The following CCDC85A variants were observed in gnomAD, a reference collection of about 807,000 sequenced individuals.
The protein encoded by CCDC85A is coiled-coil domain-containing protein 85A.
CCDC85A carries 38 observed loss-of-function variants against 50.2 expected under a neutral mutation model. The ratio of observed to expected loss-of-function variants is 0.76; its 90% CI spans 0.58 to 0.99. The LOEUF (loss-of-function observed/expected upper bound fraction) is 0.99. CCDC85A is among the 50% of genes least tolerant of loss of function. CCDC85A has a pLI of 0.00. For missense variants in CCDC85A, 820 were observed against 742.0 expected (o/e 1.11, Z -1.22); for synonymous variants, 366 against 301.4 (o/e 1.21, Z -2.22).
At chr2:56,221,146 A>G (rs1668309765) in intron 2 of CCDC85A, among the ~76,000 whole-genome samples, 4 of 152,098 alleles carry the variant, frequency 2.6e-5, no homozygotes, top group African/African-American at 9.7e-5. Flanking sequence ...TTAGCCACGT[A>G]GAACTGTCTT....
chr2:56,275,177 G>C (rs982638253), intron 2 of CCDC85A, among the ~76,000 whole-genome samples: 1 of 152,146 alleles, frequency 6.6e-6, no homozygotes, highest in African/African-American at 2.4e-5. Context: ...AACCCACCAT[G>C]AATCTGTTAT....
At chr2:56,307,746 CG>C (rs1225498097) in intron 2 of CCDC85A, among the ~76,000 whole-genome samples, 3 of 152,120 alleles carry the variant, frequency 2.0e-5, no homozygotes, top group Non-Finnish European at 4.4e-5. Context: ...AGGATTAAAA[CG>C]CATGTCTCCA....
intron 3 of CCDC85A, among the ~76,000 whole-genome samples, chr2:56,351,940 T>C (rs1212413266): frequency 6.6e-6 from 1 of 152,180 alleles, no homozygotes; most frequent in Non-Finnish European, 1.5e-5. Flanking sequence ...GCCTATGTCC[T>C]GAATGGTAAT....
At chr2:56,204,888 G>T (rs1230705467) in intron 2 of CCDC85A, among the ~76,000 whole-genome samples, 1 of 152,188 alleles carries the variant, frequency 6.6e-6, no homozygotes, top group Non-Finnish European at 1.5e-5. Flanking sequence ...ACAGTGATGA[G>T]TCTGAACACC....
chr2:56,365,508 A>G (rs1442720848), intron 3 of CCDC85A, among the ~76,000 whole-genome samples: 1 of 152,164 alleles, frequency 6.6e-6, no homozygotes, highest in Non-Finnish European at 1.5e-5. Flanking sequence ...TCTGTAACCC[A>G]GGAGCCAAAG....
intron 5 of CCDC85A, among the ~76,000 whole-genome samples, chr2:56,380,924 A>T (rs978205494): frequency 6.6e-6 from 1 of 152,120 alleles, no homozygotes; most frequent in Admixed American, 6.6e-5. Context: ...TCTTTTCTCT[A>T]TCCTATCAGG....
chr2:56,201,457 G>T (rs939117410), intron 2 of CCDC85A, among the ~76,000 whole-genome samples: 6 of 151,998 alleles, frequency 3.9e-5, no homozygotes, highest in African/African-American at 1.5e-4. Flanking sequence ...TCAGAATTTT[G>T]CCTTCTGGTC....
At chr2:56,189,248 TG>T (rs996576680) in intron 1 of CCDC85A, among the ~76,000 whole-genome samples, 24 of 150,726 alleles carry the variant, frequency 1.6e-4, no homozygotes, top group Admixed American at 3.3e-4. Context: ...GGAAAGGTGA[TG>T]GGGATTGATA....
intron 2 of CCDC85A, among the ~76,000 whole-genome samples, chr2:56,236,661 A>AG (rs1049279107): frequency 5.0e-4 from 76 of 152,276 alleles, no homozygotes; most frequent in African/African-American, 1.7e-3. Context: ...CAGAGTATCA[A>AG]GGGGTGATAA....
intron 2 of CCDC85A, among the ~76,000 whole-genome samples, chr2:56,203,880 T>C (rs372190920): frequency 6.6e-6 from 1 of 152,206 alleles, no homozygotes; most frequent in African/African-American, 2.4e-5. Context: ...TAAATTCCCA[T>C]GGAGTTTAAA....
chr2:56,357,655 C>CCTTTTT (rs71393522), intron 3 of CCDC85A, among the ~76,000 whole-genome samples: 1 of 114,640 alleles, frequency 8.7e-6, no homozygotes, highest in Admixed American at 9.3e-5. Context: ...TGTCCATTTC[C>CCTTTTT]TTTTTTTTTT....
At chr2:56,253,504 A>G (rs927271940) in intron 2 of CCDC85A, among the ~76,000 whole-genome samples, 4 of 152,198 alleles carry the variant, frequency 2.6e-5, no homozygotes, top group Non-Finnish European at 5.9e-5. Context: ...TACAGGTTTC[A>G]TCTCATCCTA....
At chr2:56,324,157 G>A (rs1673353762) in intron 2 of CCDC85A, among the ~76,000 whole-genome samples, 1 of 152,058 alleles carries the variant, frequency 6.6e-6, no homozygotes, top group Admixed American at 6.6e-5. Flanking sequence ...GATTTAAGAA[G>A]CCTTTCTCAG....
chr2:56,261,428 C>T (rs1002757805), intron 2 of CCDC85A, among the ~76,000 whole-genome samples: 1 of 152,170 alleles, frequency 6.6e-6, no homozygotes, highest in Admixed American at 6.5e-5. Flanking sequence ...ATCAGTTAAC[C>T]AAATTCATAT....
intron 2 of CCDC85A, among the ~76,000 whole-genome samples, chr2:56,210,235 C>T (rs937439984): frequency 3.0e-4 from 45 of 152,138 alleles, no homozygotes; most frequent in Admixed American, 2.7e-3. Context: ...CAAATACCGT[C>T]ACAGTCATGT....
intron 2 of CCDC85A, among the ~76,000 whole-genome samples, chr2:56,280,498 G>A (rs1330154131): frequency 6.6e-6 from 1 of 152,072 alleles, no homozygotes; most frequent in African/African-American, 2.4e-5. Flanking sequence ...CATAGTACAT[G>A]CCGAACCAAA....
chr2:56,184,156 G>A lies in CCDC85A; in HGVS notation c.-469G>A. The A allele has an allele frequency of 1.0e-6, 1 of 986,390 alleles. No individual in the cohort carries two copies. The highest frequency in any genetic ancestry group is 1.2e-6 in the Non-Finnish European group (1 of 830,758). The allele number at this position is 986,390 out of a possible 1,614,324, so 61.1% of individuals were successfully genotyped here. On this transcript the variant is annotated 5_prime_UTR_variant, in exon 1 of 6. Transcript: ENST00000407595. ...GTGCCCGGCGCGCCCTCCAAGCTAGGAGAGGGGAGAAGCCGGGGGCTGCAG... is the reference window on the plus strand; with the variant it reads ...GTGCCCGGCGCGCCCTCCAAGCTAGAAGAGGGGAGAAGCCGGGGGCTGCAG...
intron 2 of CCDC85A, among the ~76,000 whole-genome samples, chr2:56,243,559 T>C (rs184186659): frequency 2.6e-5 from 4 of 152,324 alleles, no homozygotes; most frequent in African/African-American, 7.2e-5. Context: ...TTGAATTTTT[T>C]TGAGTTTTCT....
chr2:56,311,173 T>C (rs1672675430), intron 2 of CCDC85A, among the ~76,000 whole-genome samples: 1 of 152,268 alleles, frequency 6.6e-6, no homozygotes, highest in South Asian at 2.1e-4. Flanking sequence ...TCCCTGGTGA[T>C]AAGGCTGACA....
Sources: allele counts gnomAD v4.1 joint callset (sites outside exome capture counted in the v4.1 genomes callset), GRCh38; gene constraint gnomAD v4.1.1; transcripts MANE v1.5; gene names NCBI Gene and HGNC (gene_info 2026-07-23, HGNC 2026-07-21).